Variants in AHCYL2 observed in about 807,000 individuals in gnomAD.
The protein encoded by AHCYL2 is adenosylhomocysteinase like 2.
A neutral mutation model predicts 81.4 loss-of-function variants in AHCYL2; 28 were observed. That is an observed-to-expected ratio of 0.34 (90% CI 0.25 to 0.47). The LOEUF (loss-of-function observed/expected upper bound fraction) is 0.47. Ranked by LOEUF, AHCYL2 falls within the 20% of genes least tolerant of loss-of-function variation. AHCYL2 has a pLI of 1.00. For missense variants in AHCYL2, 551 were observed against 785.1 expected (o/e 0.70, Z 3.56); for synonymous variants, 272 against 290.2 (o/e 0.94, Z 0.64).
chr7:129,288,368 T>A (rs6947322), intron 1 of AHCYL2, among the ~76,000 whole-genome samples: 2,946 of 152,296 alleles, frequency 0.019, 52 homozygotes, highest in African/African-American at 0.049. Flanking sequence ...AATTTAATTT[T>A]ATTTTATTTT....
chr7:129,358,643 T>A (rs1363069207), intron 1 of AHCYL2, among the ~76,000 whole-genome samples: 2 of 152,188 alleles, frequency 1.3e-5, no homozygotes, highest in Non-Finnish European at 2.9e-5. Context: ...CAGTTTGAGA[T>A]AATGAAAAAG....
chr7:129,226,321 T>C (rs1794215018), intron 1 of AHCYL2, among the ~76,000 whole-genome samples: 1 of 152,222 alleles, frequency 6.6e-6, no homozygotes, highest in South Asian at 2.1e-4. Flanking sequence ...CCGTACATTG[T>C]CTATCCATAG....
chr7:129,362,468 T>C (rs1793962917), intron 1 of AHCYL2, among the ~76,000 whole-genome samples: 1 of 152,108 alleles, frequency 6.6e-6, no homozygotes, highest in Non-Finnish European at 1.5e-5. Context: ...GTAAAGGAGA[T>C]TTAAGGTCCA....
chr7:129,342,488 CA>C (rs1793218834), intron 1 of AHCYL2, among the ~76,000 whole-genome samples: 1 of 152,020 alleles, frequency 6.6e-6, no homozygotes, highest in South Asian at 2.1e-4. Flanking sequence ...CAAGAACTTC[CA>C]ATTAAAAGAT....
chr7:129,417,035 G>T (rs573157734), intron 12 of AHCYL2, among the ~76,000 whole-genome samples: 1 of 152,218 alleles, frequency 6.6e-6, no homozygotes, highest in African/African-American at 2.4e-5. Context: ...GGCTGAGGCA[G>T]AATCACTGGA....
At chr7:129,402,822 TG>T (rs1796099040) in intron 6 of AHCYL2, among the ~76,000 whole-genome samples, 1 of 152,212 alleles carries the variant, frequency 6.6e-6, no homozygotes, top group Admixed American at 6.5e-5. Flanking sequence ...CCTGATATTT[TG>T]GGTGGGAGAG....
At chr7:129,243,359 G>A (rs1340528653) in intron 1 of AHCYL2, among the ~76,000 whole-genome samples, 1 of 151,958 alleles carries the variant, frequency 6.6e-6, no homozygotes, top group African/African-American at 2.4e-5. Context: ...AGATATGTGT[G>A]TGTGTTGAAA....
At position 129,406,521 on chromosome 7, in the gene AHCYL2, GGCCT is replaced by G; in HGVS notation, c.1295+57_1295+60del. ...AATCTCGGAGCTGTCTCCAAAGAAT[GGCCT>G]GGTTGATGCCACACTTTATTTTAGA... On this transcript the variant is annotated intron_variant, in intron 10 of 16. Coordinates refer to ENST00000325006, the MANE Select transcript of AHCYL2 (RefSeq NM_015328.4). This position sits in a 1 kb window ranked among gnomAD's most constrained non-coding sequence, Gnocchi z 4.3. 5 of 1,543,428 alleles carry G rather than the reference GGCCT, an allele frequency of 3.2e-6. No homozygotes were observed. The highest frequency in any genetic ancestry group is 4.5e-6 in the Non-Finnish European group (5 of 1,115,978).
At chr7:129,269,608 G>A (rs1017230228) in intron 1 of AHCYL2, among the ~76,000 whole-genome samples, 1 of 90,468 alleles carries the variant, frequency 1.1e-5, no homozygotes, top group Non-Finnish European at 2.4e-5. Flanking sequence ...GTTTTGTTTT[G>A]TTTTTTAATA....
chr7:129,364,271 T>C (rs1399435277), intron 1 of AHCYL2, among the ~76,000 whole-genome samples: 1 of 152,210 alleles, frequency 6.6e-6, no homozygotes, highest in African/African-American at 2.4e-5. Flanking sequence ...TTCTTTTACC[T>C]TAAAAACATT....
chr7:129,368,648 A>G lies in AHCYL2; in HGVS notation c.364-10990A>G. The G allele has an allele frequency of 6.9e-7, 1 of 1,444,642 alleles. No individual in the cohort carries two copies. Among genetic ancestry groups the G allele is most frequent in the South Asian group, 1.2e-5 (1 of 86,666 alleles). 89.5% of individuals were successfully genotyped at this position (1,444,642 alleles called of 1,614,324 possible). ...CAAGGATCACCTCTGAGAAGCTCCTACCAAGATCCGTGGTTGGAAAAACAG... is the reference window on the plus strand; with the variant it reads ...CAAGGATCACCTCTGAGAAGCTCCTGCCAAGATCCGTGGTTGGAAAAACAG... On this transcript the variant is annotated intron_variant, in intron 1 of 16. Coordinates refer to ENST00000325006, the MANE Select transcript of AHCYL2 (RefSeq NM_015328.4). The surrounding 1 kb of genome is among the most constrained non-coding windows in gnomAD (Gnocchi z 4.4).
At chr7:129,394,322 T>A (rs1181675817) in intron 4 of AHCYL2, among the ~76,000 whole-genome samples, 10 of 151,664 alleles carry the variant, frequency 6.6e-5, no homozygotes, top group Non-Finnish European at 1.5e-4. Flanking sequence ...GTTCAGTAAT[T>A]TTTATTGGTC....
chr7:129,394,024 G>C (rs765112645), intron 4 of AHCYL2, among the ~76,000 whole-genome samples: 2 of 151,864 alleles, frequency 1.3e-5, no homozygotes, highest in Non-Finnish European at 2.9e-5. Flanking sequence ...TTGTTTTGTT[G>C]AGTAGGGTCT....
intron 1 of AHCYL2, among the ~76,000 whole-genome samples, chr7:129,353,247 C>T (rs1309448844): frequency 6.6e-6 from 1 of 151,924 alleles, no homozygotes; most frequent in Non-Finnish European, 1.5e-5. Flanking sequence ...CATGCCCGGC[C>T]ATTCTTTACA....
intron 1 of AHCYL2, among the ~76,000 whole-genome samples, chr7:129,342,911 T>C (rs897839911): frequency 2.0e-5 from 3 of 152,212 alleles, no homozygotes; most frequent in Admixed American, 2.0e-4. Context: ...TGATAATGTA[T>C]TTATACTATG....
At chr7:129,258,827 G>T (rs1011309837) in intron 1 of AHCYL2, among the ~76,000 whole-genome samples, 1 of 152,152 alleles carries the variant, frequency 6.6e-6, no homozygotes, top group African/African-American at 2.4e-5. Context: ...GGAGACAGGA[G>T]CTGTGATGGA....
intron 13 of AHCYL2, chr7:129,424,585 A>T (rs992601593): frequency 4.1e-5 from 19 of 460,934 alleles, no homozygotes; most frequent in Non-Finnish European, 6.7e-5. Context: ...AAAATTCAAG[A>T]GAAGTACACT....
intron 12 of AHCYL2, among the ~76,000 whole-genome samples, chr7:129,415,551 G>A (rs35064108): frequency 0.024 from 3,652 of 152,048 alleles, 71 homozygotes; most frequent in Admixed American, 0.056. Flanking sequence ...GGCCAGGCAC[G>A]GTGGCTCACA....
chr7:129,246,338 G>C (rs1258271009), intron 1 of AHCYL2, among the ~76,000 whole-genome samples: 1 of 152,134 alleles, frequency 6.6e-6, no homozygotes, highest in Admixed American at 6.5e-5. Flanking sequence ...GATTACAGGC[G>C]TGAGCCACCA....
Sources: allele counts gnomAD v4.1 joint callset (sites outside exome capture counted in the v4.1 genomes callset), GRCh38; gene constraint gnomAD v4.1.1; non-coding constraint Gnocchi (gnomAD v3.1); transcripts MANE v1.5; gene names NCBI Gene and HGNC (gene_info 2026-07-23, HGNC 2026-07-21).